Variants in COLGALT2 observed in about 807,000 individuals in gnomAD.
COLGALT2 encodes the protein collagen beta(1-O)galactosyltransferase 2.
Under a neutral mutation model 73.4 loss-of-function variants are expected in COLGALT2, and 49 were observed. The ratio of observed to expected loss-of-function variants is 0.67; its 90% CI spans 0.53 to 0.85. The LOEUF (loss-of-function observed/expected upper bound fraction) is 0.85, where lower values mean the gene tolerates loss of function less well. Among genes scored for constraint, COLGALT2 ranks in the 40% least tolerant of loss-of-function variants. The pLI is 0.00. For missense variants in COLGALT2, 722 were observed against 790.2 expected (o/e 0.91, Z 1.03); for synonymous variants, 295 against 307.6 (o/e 0.96, Z 0.43).
intron 1 of COLGALT2, among the ~76,000 whole-genome samples, chr1:183,980,917 T>C (rs1436047262): frequency 2.0e-5 from 3 of 152,198 alleles, no homozygotes; most frequent in Non-Finnish European, 4.4e-5. Context: ...TCACTATGTT[T>C]ATGGACCTGA....
chr1:184,015,346 G>A (rs1648964520), intron 1 of COLGALT2, among the ~76,000 whole-genome samples: 1 of 152,156 alleles, frequency 6.6e-6, no homozygotes, highest in Non-Finnish European at 1.5e-5. Flanking sequence ...CCATGACCAG[G>A]TGCTCTAACC....
chr1:183,963,834 G>C, intron 6 of COLGALT2, 67 bp downstream of exon 6: 1 of 1,407,060 alleles, frequency 7.1e-7, no homozygotes, highest in Non-Finnish European at 9.4e-7. Flanking sequence ...GAAGAGGAGG[G>C]AAGTGGCTGG....
intron 1 of COLGALT2, among the ~76,000 whole-genome samples, chr1:184,033,393 A>G (rs984697893): frequency 2.0e-5 from 3 of 152,174 alleles, no homozygotes; most frequent in African/African-American, 7.2e-5. Context: ...CATATTCCCA[A>G]TTCCCTAAAA....
In COLGALT2 at chr1:183,936,463, G is replaced by C; in HGVS notation, c.*2298C>G. On this transcript the variant is annotated 3_prime_UTR_variant, in exon 12 of 12. Transcript: ENST00000361927. ...CCTAGTCTAAAATGCTAGAATTTAA[G>C]TCCAAAGTCTTTTAAGAATGAGAGT... The C allele has an allele frequency of 2.0e-6, 2 of 990,878 alleles. No homozygotes were observed. The highest frequency in any genetic ancestry group is 2.4e-6 in the Non-Finnish European group (2 of 833,484). The allele number at this position is 990,878 out of a possible 1,614,324, so 61.4% of individuals were successfully genotyped here. A position where few individuals can be genotyped will look rare whatever the true frequency, so the allele number is the denominator to read the frequency against.
chr1:183,989,940 A>AAC (rs1466520375), intron 1 of COLGALT2, among the ~76,000 whole-genome samples: 1 of 152,174 alleles, frequency 6.6e-6, no homozygotes, highest in African/African-American at 2.4e-5. Flanking sequence ...GGCTGTCCCC[A>AAC]ACACACACAC....
At chr1:183,955,962 G>A (rs894360160) in intron 6 of COLGALT2, among the ~76,000 whole-genome samples, 2 of 152,140 alleles carry the variant, frequency 1.3e-5, no homozygotes, top group Admixed American at 1.3e-4. Context: ...GGGCTCCCCC[G>A]ACACTGCCCT....
chr1:183,945,210 G>A (rs1019669910), intron 9 of COLGALT2, among the ~76,000 whole-genome samples: 1 of 152,052 alleles, frequency 6.6e-6, no homozygotes, highest in Non-Finnish European at 1.5e-5. Flanking sequence ...CACAGGACAT[G>A]GGTGTCTCCC....
At chr1:183,988,304 A>G (rs2102827767) in intron 1 of COLGALT2, among the ~76,000 whole-genome samples, 1 of 152,336 alleles carries the variant, frequency 6.6e-6, no homozygotes, top group East Asian at 1.9e-4. Flanking sequence ...CTCATTGCGC[A>G]GCAACTAAGA....
chr1:183,956,134 C>G (rs1418791075), intron 6 of COLGALT2, among the ~76,000 whole-genome samples: 3 of 152,180 alleles, frequency 2.0e-5, no homozygotes, highest in African/African-American at 7.2e-5. Context: ...TTGTATGAAG[C>G]CAATCAGATT....
rs7521638 is a variant in COLGALT2, at chr1:183,973,137, G to T, written c.627+479C>A. ...GAATAATTTAAATGTTTTTCAAACC[G>T]AGATAAAGGTTAAGTAAATTGGAAC... On this transcript the variant is annotated intron_variant, in intron 4 of 11. Coordinates refer to ENST00000361927, the MANE Select transcript of COLGALT2 (RefSeq NM_015101.4). Among the ~76,000 whole-genome samples the T allele has an allele frequency of 2.0e-5, 3 of 152,004 alleles. No homozygotes were observed. In the South Asian group the frequency reaches 6.2e-4, roughly 32 times the overall value.
chr1:183,956,223 T>C (rs939616031), intron 6 of COLGALT2, among the ~76,000 whole-genome samples: 7 of 152,224 alleles, frequency 4.6e-5, no homozygotes, highest in Non-Finnish European at 5.9e-5. Flanking sequence ...TGAAATATTA[T>C]AGAGAAATCC....
intron 1 of COLGALT2, among the ~76,000 whole-genome samples, chr1:184,011,792 A>G (rs1648807922): frequency 6.6e-6 from 1 of 152,358 alleles, no homozygotes; most frequent in Admixed American, 6.5e-5. Flanking sequence ...GTGGGTGTCA[A>G]TCTGGGCAGT....
chr1:183,963,820 C>A (rs886387323), intron 6 of COLGALT2, 81 bp downstream of exon 6: 11 of 1,359,772 alleles, frequency 8.1e-6, no homozygotes, highest in Non-Finnish European at 1.1e-5. Flanking sequence ...AGATTCCAAT[C>A]CTGGAAGAGG....
downstream of COLGALT2, among the ~76,000 whole-genome samples, chr1:183,933,051 T>A (rs1669879101): frequency 6.6e-6 from 1 of 152,176 alleles, no homozygotes; most frequent in African/African-American, 2.4e-5. Flanking sequence ...ACATTTCACT[T>A]GTTCCTGTGC....
chr1:184,037,508 C>G lies in COLGALT2; in HGVS notation c.-151G>C. On this transcript the variant is annotated 5_prime_UTR_variant, in exon 1 of 12. Coordinates refer to ENST00000361927, the MANE Select transcript of COLGALT2 (RefSeq NM_015101.4). ...GGCCGGCCGGCTCACACACTGGCCT[C>G]GGCGGCTGCGGTTCCCAGGACCCTC... 1.7e-6 allele frequency: 2 copies of G among 1,159,084 alleles called. No homozygotes were observed. The highest frequency in any genetic ancestry group is 8.6e-5 in the South Asian group (2 of 23,166). 71.8% of individuals were successfully genotyped at this position (1,159,084 alleles called of 1,614,324 possible).
intron 1 of COLGALT2, among the ~76,000 whole-genome samples, chr1:184,023,454 TG>T: frequency 6.6e-6 from 1 of 152,304 alleles, no homozygotes; most frequent in East Asian, 1.9e-4. Flanking sequence ...TCCACTAGCT[TG>T]GTGAGACTTG....
chr1:183,936,191 C>A lies in COLGALT2; in HGVS notation c.*2570G>T. On this transcript the variant is annotated 3_prime_UTR_variant, in exon 12 of 12. Transcript: ENST00000361927. ...GATGCAAAGGCCTCTATACTGACGCCCTCACATGACACTGCAAAGGTCAAA... is the reference window on the plus strand; with the variant it reads ...GATGCAAAGGCCTCTATACTGACGCACTCACATGACACTGCAAAGGTCAAA... 1.0e-6 allele frequency: 1 copy of A among 985,470 alleles called. No homozygotes were observed. The allele number at this position is 985,470 out of a possible 1,614,324, so 61.0% of individuals were successfully genotyped here.
intron 1 of COLGALT2, among the ~76,000 whole-genome samples, chr1:184,023,244 A>G (rs1483784873): frequency 6.6e-6 from 1 of 152,108 alleles, no homozygotes; most frequent in Non-Finnish European, 1.5e-5. Flanking sequence ...CCATATCTCT[A>G]CTTCCTTTGA....
chr1:183,935,942 G>A lies in COLGALT2; in HGVS notation c.*2819C>T, dbSNP rs1669940487. 2 of 985,428 alleles carry A rather than the reference G, an allele frequency of 2.0e-6. No homozygotes were observed. Among genetic ancestry groups the A allele is most frequent in the Non-Finnish European group, 2.4e-6 (2 of 829,954 alleles). The allele number at this position is 985,428 out of a possible 1,614,324, so 61.0% of individuals were successfully genotyped here. On this transcript the variant is annotated 3_prime_UTR_variant, in exon 12 of 12. Transcript: ENST00000361927. ...CAAGACAGATGATGCAGGGGAACGG[G>A]TGTCCACTCTTTCTTGTTCTCAGAG...
Sources: gnomAD v4.1 joint callset for allele counts (sites outside exome capture counted in the v4.1 genomes callset) on GRCh38, gnomAD v4.1.1 for gene constraint, MANE v1.5 for transcripts, NCBI Gene and HGNC (gene_info 2026-07-23, HGNC 2026-07-21) for gene names.